CSMD1: variants seen among roughly 807,000 people sequenced by gnomAD.
CSMD1 encodes CUB and Sushi multiple domains 1.
In CSMD1, 213 loss-of-function variants were observed where a neutral mutation model predicts 417.5. The ratio of observed to expected loss-of-function variants is 0.51; its 90% CI spans 0.46 to 0.57. The LOEUF (loss-of-function observed/expected upper bound fraction) is 0.57, where lower values mean the gene tolerates loss of function less well. Ranked by LOEUF, CSMD1 falls within the 20% of genes least tolerant of loss-of-function variation. The pLI, the probability that CSMD1 is intolerant of heterozygous loss-of-function variation, is 0.00. For synonymous variants in CSMD1, 2,862 were observed against 1,736.8 expected (o/e 1.65, Z -16.11); for missense variants, 6,923 against 4,529.7 (o/e 1.53, Z -15.17).
intron 5 of CSMD1, among the ~76,000 whole-genome samples, chr8:3,899,240 C>A (rs1584932535): frequency 6.6e-6 from 1 of 152,122 alleles, no homozygotes; most frequent in South Asian, 2.1e-4. Context: ...AAAGTTGGCA[C>A]CAGTGTGGGC....
At chr8:3,011,946 G>T (rs772098207) in intron 52 of CSMD1, among the ~76,000 whole-genome samples, 13 of 152,162 alleles carry the variant, frequency 8.5e-5, no homozygotes, top group African/African-American at 2.9e-4. Flanking sequence ...GGATTAGCAA[G>T]TGCCTGAGAG....
At chr8:4,574,675 G>C (rs1376770479) in intron 2 of CSMD1, among the ~76,000 whole-genome samples, 1 of 152,092 alleles carries the variant, frequency 6.6e-6, no homozygotes, top group Non-Finnish European at 1.5e-5. Context: ...TTAGCTATAC[G>C]CTCTCTTCCA....
intron 20 of CSMD1, among the ~76,000 whole-genome samples, chr8:3,362,896 T>C (rs1809290923): frequency 6.6e-6 from 1 of 152,250 alleles, no homozygotes; most frequent in South Asian, 2.1e-4. Context: ...AACATGTTCC[T>C]GTTGAGACTC....
chr8:4,359,468 A>T (rs149726856), intron 3 of CSMD1, among the ~76,000 whole-genome samples: 77 of 152,304 alleles, frequency 5.1e-4, no homozygotes, highest in African/African-American at 1.9e-3. Context: ...ATTCTTTAAA[A>T]ACAAGATTGA....
intron 3 of CSMD1, among the ~76,000 whole-genome samples, chr8:4,248,612 G>T (rs150002552): frequency 1.3e-5 from 2 of 152,150 alleles, no homozygotes; most frequent in East Asian, 3.9e-4. Flanking sequence ...TGAACTTCTC[G>T]AAAAGACCTT....
At chr8:4,434,350 C>A (rs13275567) in intron 2 of CSMD1, among the ~76,000 whole-genome samples, 32,636 of 152,084 alleles carry the variant, frequency 0.21, 4,508 homozygotes, top group Middle Eastern at 0.33. Context: ...TGGGCAACAG[C>A]ATGAGACTGT....
intron 5 of CSMD1, among the ~76,000 whole-genome samples, chr8:3,929,581 G>A (rs766992041): frequency 2.0e-5 from 3 of 150,490 alleles, no homozygotes; most frequent in African/African-American, 7.3e-5. Context: ...CATGTTATAA[G>A]ATAAAAAATA....
At chr8:4,123,684 T>C (rs1802608695) in intron 3 of CSMD1, among the ~76,000 whole-genome samples, 1 of 152,222 alleles carries the variant, frequency 6.6e-6, no homozygotes, top group African/African-American at 2.4e-5. Context: ...AACCTGATGA[T>C]AACTTCTATG....
chr8:3,248,401 C>T lies in CSMD1; in HGVS notation c.4154-18170G>A, dbSNP rs150666359. On this transcript the variant is annotated intron_variant, in intron 26 of 69. Coordinates refer to ENST00000635120, the MANE Select transcript of CSMD1 (RefSeq NM_033225.6). The stretch of plus-strand genomic sequence containing the variant: ...ACATAATCTTCCCACCTATGAAGTC[C>T]TTTAAAACTGGAGTTTCAGAAGAAT... Among the ~76,000 whole-genome samples, 509 of 152,124 alleles carry T rather than the reference C, an allele frequency of 3.3e-3. 3 individuals carry two copies. The highest frequency in any genetic ancestry group is 0.012 in the African/African-American group (479 of 41,492).
chr8:3,187,469 A>C (rs1222250151), intron 36 of CSMD1, among the ~76,000 whole-genome samples: 1 of 152,174 alleles, frequency 6.6e-6, no homozygotes, highest in Non-Finnish European at 1.5e-5. Flanking sequence ...GTAGAATCTC[A>C]GGACTAGCTG....
chr8:4,844,863 T>C (rs1801042194), intron 1 of CSMD1, among the ~76,000 whole-genome samples: 1 of 152,172 alleles, frequency 6.6e-6, no homozygotes. Context: ...GATATGCCAG[T>C]ACTACATCTG....
At chr8:3,947,406 T>C (rs143424808) in intron 5 of CSMD1, among the ~76,000 whole-genome samples, 32 of 152,350 alleles carry the variant, frequency 2.1e-4, no homozygotes, top group African/African-American at 7.0e-4. Flanking sequence ...CTATCCTTTT[T>C]ATAAATCACT....
chr8:4,839,610 A>G (rs1419427601), intron 1 of CSMD1, among the ~76,000 whole-genome samples: 1 of 152,170 alleles, frequency 6.6e-6, no homozygotes, highest in Non-Finnish European at 1.5e-5. Flanking sequence ...TTTCTGTTTA[A>G]TACTTCACTT....
chr8:4,421,007 C>T (rs1797222204), intron 2 of CSMD1, among the ~76,000 whole-genome samples: 1 of 152,120 alleles, frequency 6.6e-6, no homozygotes, highest in African/African-American at 2.4e-5. Flanking sequence ...ACTGCAGTAT[C>T]TGCTGTCTGC....
intron 2 of CSMD1, among the ~76,000 whole-genome samples, chr8:4,503,670 C>A (rs969807580): frequency 2.6e-5 from 4 of 152,050 alleles, no homozygotes; most frequent in Non-Finnish European, 2.9e-5. Context: ...GCTAACTTGG[C>A]CTGATGCATT....
intron 3 of CSMD1, among the ~76,000 whole-genome samples, chr8:4,158,470 G>T (rs73180421): frequency 1.3e-5 from 2 of 152,058 alleles, no homozygotes; most frequent in Non-Finnish European, 1.5e-5. Flanking sequence ...TAATACAGCC[G>T]CTAGTGCAGT....
At chr8:3,934,319 T>G (rs993456503) in intron 5 of CSMD1, among the ~76,000 whole-genome samples, 12 of 152,134 alleles carry the variant, frequency 7.9e-5, no homozygotes, top group African/African-American at 2.7e-4. Flanking sequence ...AATGAAAATT[T>G]CAAAAATAGT....
chr8:4,847,953 C>G (rs549749473), intron 1 of CSMD1, among the ~76,000 whole-genome samples: 1 of 152,262 alleles, frequency 6.6e-6, no homozygotes, highest in South Asian at 2.1e-4. Context: ...AGCACCACCC[C>G]CCATCCCTTC....
chr8:3,988,890 C>G (rs1224266887), intron 5 of CSMD1, among the ~76,000 whole-genome samples: 1 of 152,062 alleles, frequency 6.6e-6, no homozygotes, highest in Non-Finnish European at 1.5e-5. Context: ...AATTCATAAC[C>G]AAAGTAAGAT....
Sources: gnomAD v4.1 joint callset for allele counts (sites outside exome capture counted in the v4.1 genomes callset) on GRCh38, gnomAD v4.1.1 for gene constraint, MANE v1.5 for transcripts, NCBI Gene and HGNC (gene_info 2026-07-23, HGNC 2026-07-21) for gene names.